RBFOX3: variants seen among roughly 807,000 people sequenced by gnomAD.
RBFOX3 encodes RNA binding fox-1 homolog 3.
A neutral mutation model predicts 48.7 loss-of-function variants in RBFOX3; 17 were observed. The ratio of observed to expected loss-of-function variants is 0.35; its 90% CI spans 0.24 to 0.52. RBFOX3 has a LOEUF of 0.52. Among genes scored for constraint, RBFOX3 ranks in the 20% least tolerant of loss-of-function variants. The probability of loss-of-function intolerance (pLI) is 0.94; values close to 1 mark genes in which losing one functional copy is unlikely to be tolerated. For synonymous variants in RBFOX3, 212 were observed against 209.5 expected (o/e 1.01, Z -0.10); for missense variants, 382 against 497.5 (o/e 0.77, Z 2.21).
In RBFOX3 at chr17:79,418,494, G is replaced by A. The variant is rs1220065107; in HGVS notation, c.-175+63960C>T. Among the ~76,000 whole-genome samples, 4 of 152,200 alleles carry A rather than the reference G, an allele frequency of 2.6e-5. No individual in the cohort carries two copies. The highest frequency in any genetic ancestry group is 7.2e-5 in the African/African-American group (3 of 41,446). ...CCGTGTGTGTCAGCCAAGAGCCTGC[G>A]GCCTCTGGCCAAGAGCAAGAAGAAA... On this transcript the variant is annotated intron_variant, in intron 2 of 14. Coordinates refer to ENST00000693108, the MANE Select transcript of RBFOX3 (RefSeq NM_001350451.2). This position sits in a 1 kb window ranked among gnomAD's most constrained non-coding sequence, Gnocchi z 5.0.
chr17:79,594,081 G>A (rs1017047741), intron 1 of RBFOX3, among the ~76,000 whole-genome samples: 13 of 152,100 alleles, frequency 8.5e-5, no homozygotes, highest in Non-Finnish European at 1.5e-4. Flanking sequence ...AGGACAGCGC[G>A]ACAGTCCCTC....
chr17:79,109,364 C>T (rs929639049), intron 5 of RBFOX3, among the ~76,000 whole-genome samples: 10 of 152,180 alleles, frequency 6.6e-5, no homozygotes, highest in South Asian at 2.1e-4. Flanking sequence ...GCTGGCATCA[C>T]GTCCCCAGTG....
At chr17:79,230,486 G>T (rs78172106) in intron 4 of RBFOX3, among the ~76,000 whole-genome samples, 1 of 151,374 alleles carries the variant, frequency 6.6e-6, no homozygotes, top group African/African-American at 2.4e-5. Flanking sequence ...GTCTCGATCT[G>T]CTGACCTCGT....
intron 2 of RBFOX3, among the ~76,000 whole-genome samples, chr17:79,463,681 T>G (rs1366465280): frequency 3.5e-5 from 1 of 28,292 alleles, no homozygotes; most frequent in Non-Finnish European, 1.0e-4. Flanking sequence ...CCACTGCCAT[T>G]GCCACTGCCA....
intron 1 of RBFOX3, among the ~76,000 whole-genome samples, chr17:79,495,162 G>A (rs1308476465): frequency 1.8e-4 from 28 of 151,698 alleles, no homozygotes; most frequent in Non-Finnish European, 2.4e-4. Context: ...CTCCACAGGT[G>A]AGTTACCTGG....
chr17:79,476,038 C>A (rs929256970), intron 2 of RBFOX3, among the ~76,000 whole-genome samples: 9 of 152,270 alleles, frequency 5.9e-5, no homozygotes, highest in Non-Finnish European at 1.3e-4. Flanking sequence ...GCCAGGCTGA[C>A]TGTCCTGGGG....
intron 2 of RBFOX3, among the ~76,000 whole-genome samples, chr17:79,387,502 G>T (rs1345557376): frequency 6.6e-6 from 1 of 152,216 alleles, no homozygotes; most frequent in African/African-American, 2.4e-5. Flanking sequence ...AGGGCCCACA[G>T]GGTCCCACCG....
intron 2 of RBFOX3, among the ~76,000 whole-genome samples, chr17:79,327,343 C>A (rs1264986664): frequency 1.3e-5 from 2 of 152,170 alleles, no homozygotes; most frequent in African/African-American, 4.8e-5. Context: ...GCAACCTCAC[C>A]CTGGCACAAG....
the RBFOX3 span, among the ~76,000 whole-genome samples, chr17:79,642,185 T>C: frequency 6.6e-6 from 1 of 152,008 alleles, no homozygotes; most frequent in African/African-American, 2.4e-5. Context: ...AAACAAATAA[T>C]AGAATGATGG....
intron 3 of RBFOX3, among the ~76,000 whole-genome samples, chr17:79,289,951 A>G (rs1435041256): frequency 2.0e-5 from 3 of 152,212 alleles, no homozygotes; most frequent in Non-Finnish European, 4.4e-5. Context: ...AAAATGGATG[A>G]AAGGGAAACA....
At chr17:79,656,855 G>GGAA in the RBFOX3 span, among the ~76,000 whole-genome samples, 1 of 105,858 alleles carries the variant, frequency 9.4e-6, no homozygotes, top group African/African-American at 4.7e-5. Context: ...AAGAAAAGAA[G>GGAA]GGAAGGAGGG....
chr17:79,370,434 G>A (rs2058362359), intron 2 of RBFOX3, among the ~76,000 whole-genome samples: 1 of 152,128 alleles, frequency 6.6e-6, no homozygotes, highest in Non-Finnish European at 1.5e-5. Flanking sequence ...ACATACACAT[G>A]CACACACCCT....
At position 79,096,688 on chromosome 17, in the gene RBFOX3, C is replaced by T. The variant is rs1465690990; in HGVS notation, c.901G>A (p.Val301Met). The change falls in exon 12 of 15, where the codon GTG (valine) becomes ATG (methionine). Residue 301 changes from valine to methionine, a missense_variant. Transcript: ENST00000693108. Reference protein sequence around the residue: ...PLSCPFASRVVYQDGFYGAEI... With the variant: ...PLSCPFASRVMYQDGFYGAEI... The stretch of plus-strand genomic sequence containing the variant: ...GCACCATAAAATCCATCCTGATACA[C>T]GACCCTGGAAGCAAACGGACAAGAA... 8 of 1,550,560 alleles carry T rather than the reference C, an allele frequency of 5.2e-6. No homozygotes were observed. Among genetic ancestry groups the T allele is most frequent in the Admixed American group, 2.0e-5 (1 of 50,942 alleles).
Position 79,195,261 on chromosome 17 carries a change from G to A in RBFOX3, c.-34+40505C>T, listed in dbSNP as rs1599911705. Among the ~76,000 whole-genome samples, 1 of 152,254 alleles carries A rather than the reference G, an allele frequency of 6.6e-6. No individual in the cohort carries two copies. Among genetic ancestry groups the A allele is most frequent in the East Asian group, 1.9e-4 (1 of 5,174 alleles). On this transcript the variant is annotated intron_variant, in intron 4 of 14. Coordinates refer to ENST00000693108, the MANE Select transcript of RBFOX3 (RefSeq NM_001350451.2). The surrounding 1 kb of genome is among the most constrained non-coding windows in gnomAD (Gnocchi z 5.3). ...AAATACAAAAAATAAGCCGGACATG[G>A]TGGTGGCTCTCGTGCGTACAGTCCC...
chr17:79,523,581 G>A (rs1276741496), intron 1 of RBFOX3, among the ~76,000 whole-genome samples: 2 of 152,160 alleles, frequency 1.3e-5, no homozygotes, highest in African/African-American at 4.8e-5. Context: ...TCCCTGGTGA[G>A]CCACCAAAGA....
chr17:79,213,821 G>T (rs548759120), intron 4 of RBFOX3, among the ~76,000 whole-genome samples: 1 of 152,322 alleles, frequency 6.6e-6, no homozygotes, highest in South Asian at 2.1e-4. Flanking sequence ...GGCTGCGAAC[G>T]TCACAGGAAA....
chr17:79,124,329 G>A (rs749769438), intron 4 of RBFOX3, among the ~76,000 whole-genome samples: 1 of 152,230 alleles, frequency 6.6e-6, no homozygotes, highest in African/African-American at 2.4e-5. Flanking sequence ...TGGCTGCCCC[G>A]GAGGCCTGAA....
intron 1 of RBFOX3, among the ~76,000 whole-genome samples, chr17:79,596,427 G>C (rs1169540045): frequency 1.3e-5 from 2 of 152,102 alleles, no homozygotes; most frequent in Admixed American, 6.5e-5. Context: ...GCACCAGCCA[G>C]GGGTGGGCCA....
At chr17:79,651,628 C>CAT in the RBFOX3 span, among the ~76,000 whole-genome samples, 1 of 127,048 alleles carries the variant, frequency 7.9e-6, no homozygotes, top group East Asian at 2.3e-4. Context: ...CCCCTTTCCT[C>CAT]TCTCTCTCTC....
Sources: allele counts gnomAD v4.1 joint callset (sites outside exome capture counted in the v4.1 genomes callset), GRCh38; gene constraint gnomAD v4.1.1; non-coding constraint Gnocchi (gnomAD v3.1); transcripts MANE v1.5; gene names NCBI Gene and HGNC (gene_info 2026-07-23, HGNC 2026-07-21).